The following HPS3 variants were observed in gnomAD, a reference collection of about 807,000 sequenced individuals.
HPS3 encodes BLOC-2 complex member HPS3.
A neutral mutation model predicts 110.9 loss-of-function variants in HPS3; 79 were observed. That is an observed-to-expected ratio of 0.71 (90% CI 0.59 to 0.86). HPS3 has a LOEUF of 0.86. HPS3 is among the 40% of genes least tolerant of loss of function. The probability of loss-of-function intolerance (pLI) is 0.00; values close to 1 mark genes in which losing one functional copy is unlikely to be tolerated. For synonymous variants in HPS3, 428 were observed against 451.0 expected, an observed-to-expected ratio of 0.95 and a Z score of 0.65; for missense variants, 1,197 against 1,206.2, an observed-to-expected ratio of 0.99 and a Z score of 0.11.
At chr3:149,143,248 G>GC (rs1475968658) in intron 4 of HPS3, among the ~76,000 whole-genome samples, 1 of 152,098 alleles carries the variant, frequency 6.6e-6, no homozygotes, top group African/African-American at 2.4e-5. Flanking sequence ...ATCCATAGTG[G>GC]CCTTTCCCTC....
chr3:149,167,529 TGCC>T (rs1724547448), intron 15 of HPS3, among the ~76,000 whole-genome samples: 1 of 152,240 alleles, frequency 6.6e-6, no homozygotes, highest in Admixed American at 6.5e-5. Context: ...ATATTTTCTC[TGCC>T]ATACGGTTTT....
rs149094990 is a variant in HPS3, at chr3:149,140,388, T to C, written c.602T>C (p.Met201Thr). Residue 201 changes from methionine (M) to threonine (T), a missense_variant, in exon 2 of 17, where the codon ATG becomes ACG. Coordinates refer to ENST00000296051, the MANE Select transcript of HPS3 (RefSeq NM_032383.5). ...VSFCVGYVAV[M>T]SDLEVLIVKL... ...TTTTGTGTTGGATATGTTGCTGTCA[T>C]GTCAGACTTAGAAGTCTTAATCGTA... 56 of 1,610,532 alleles carry C rather than the reference T, an allele frequency of 3.5e-5. 1 individual carries two copies. The African/African-American group carries it at 6.8e-4, about 20-fold the overall frequency.
In HPS3 at chr3:149,167,925, T is replaced by C. The variant is rs1307983114; in HGVS notation, c.2829T>C (p.Leu943=). The change falls in exon 16 of 17, where the codon CTT becomes CTC. Residue 943 remains leucine (L), a synonymous_variant. Coordinates refer to ENST00000296051, the MANE Select transcript of HPS3 (RefSeq NM_032383.5). ...GGTGGAAAAAACTGTTGCCTGAACT[T>C]TGTCAGAGAATAAAATGTGGTGGAG... ...TLWWKKLLPE[L]CQRIKCGGEK... 2.5e-6 allele frequency: 4 copies of C among 1,607,886 alleles called. No individual in the cohort carries two copies. The Admixed American group carries it at 6.7e-5, about 27-fold the overall frequency.
chr3:149,156,002 C>T (rs1275903880), intron 8 of HPS3, among the ~76,000 whole-genome samples: 1 of 152,154 alleles, frequency 6.6e-6, no homozygotes, highest in Non-Finnish European at 1.5e-5. Context: ...CCACTGCACT[C>T]CAGCTTGGGT....
chr3:149,131,325 C>T (rs939249), intron 1 of HPS3, among the ~76,000 whole-genome samples: 55,878 of 151,674 alleles, frequency 0.37, 11,169 homozygotes, highest in African/African-American at 0.53. Context: ...GTGTTTTTTT[C>T]TCCCCAATTG....
At chr3:149,134,019 T>C (rs1045502509) in intron 1 of HPS3, among the ~76,000 whole-genome samples, 2 of 152,158 alleles carry the variant, frequency 1.3e-5, no homozygotes, top group African/African-American at 4.8e-5. Context: ...CTATTTACTG[T>C]CATTATTTAT....
chr3:149,129,663 G>T lies in HPS3; in HGVS notation c.-61G>T. The T allele has an allele frequency of 7.5e-7, 1 of 1,327,364 alleles. No homozygotes were observed. Among genetic ancestry groups the T allele is most frequent in the Non-Finnish European group, 1.0e-6 (1 of 996,534 alleles). 82.2% of individuals were successfully genotyped at this position (1,327,364 alleles called of 1,614,324 possible). A position where few individuals can be genotyped will look rare whatever the true frequency, so the allele number is the denominator to read the frequency against. The stretch of plus-strand genomic sequence containing the variant: ...GGAAGTAGTCCTACATTCGCGGTCA[G>T]CGCGGGGTCTCCGGGCGCCCTGCAG... On this transcript the variant is annotated 5_prime_UTR_variant, in exon 1 of 17. Coordinates refer to ENST00000296051, the MANE Select transcript of HPS3 (RefSeq NM_032383.5).
chr3:149,135,331 T>C (rs963856195), intron 1 of HPS3, among the ~76,000 whole-genome samples: 1 of 152,174 alleles, frequency 6.6e-6, no homozygotes. Flanking sequence ...AAATCTCATC[T>C]TGAATTGTAG....
intron 14 of HPS3, among the ~76,000 whole-genome samples, chr3:149,164,560 C>T (rs1212314746): frequency 1.3e-5 from 2 of 152,196 alleles, no homozygotes; most frequent in Non-Finnish European, 2.9e-5. Flanking sequence ...TAATGTAGTT[C>T]AGTGGCCCAA....
rs1053601245 is a variant in HPS3 at position 149,172,472 on chromosome 3, A to G, written c.*250A>G. Reference sequence around the variant, plus strand: ...CTAGAATGTAAAAAGTCTTTAAGACATAAGAATTCCTCAAAGAAGCCATAC... The same window carrying G: ...CTAGAATGTAAAAAGTCTTTAAGACGTAAGAATTCCTCAAAGAAGCCATAC... On this transcript the variant is annotated 3_prime_UTR_variant, in exon 17 of 17. Coordinates refer to ENST00000296051, the MANE Select transcript of HPS3 (RefSeq NM_032383.5). 3 of 361,368 alleles carry G rather than the reference A, an allele frequency of 8.3e-6. No homozygotes were observed. Among genetic ancestry groups the G allele is most frequent in the Non-Finnish European group, 1.6e-5 (3 of 193,292 alleles). 22.4% of individuals were successfully genotyped at this position (361,368 alleles called of 1,614,324 possible).
chr3:149,155,472 A>G (rs962175226), intron 8 of HPS3, among the ~76,000 whole-genome samples: 2 of 152,148 alleles, frequency 1.3e-5, no homozygotes, highest in Non-Finnish European at 2.9e-5. Flanking sequence ...CGATTGGCCA[A>G]TCTGAACATA....
At position 149,145,364 on chromosome 3, in the gene HPS3, A is replaced by G. The variant is rs11718908; in HGVS notation, c.981A>G (p.Thr327=). The G allele has an allele frequency of 0.23, 362,822 of 1,610,020 alleles. 43,355 individuals are homozygous for G. Among genetic ancestry groups the G allele is most frequent in the African/African-American group, 0.43 (32,048 of 74,798 alleles). ...CATTTTTGCATGCAGGTTCTCTTAC[A>G]TCTGATGGAAAAAATTTGTCTCAGG... ...LLPIYQTGSL[T]SDGKNLSQEK... Residue 327 remains threonine (T), a synonymous_variant, in exon 5 of 17, where the codon ACA becomes ACG. Transcript: ENST00000296051.
intron 14 of HPS3, among the ~76,000 whole-genome samples, chr3:149,166,248 G>A (rs150735969): frequency 6.6e-5 from 10 of 152,176 alleles, no homozygotes; most frequent in African/African-American, 2.2e-4. Flanking sequence ...GTGACAAAGT[G>A]GTATTGATAA....
intron 1 of HPS3, among the ~76,000 whole-genome samples, chr3:149,135,182 GTT>G (rs1229858176): frequency 3.3e-5 from 5 of 152,188 alleles, no homozygotes; most frequent in Non-Finnish European, 5.9e-5. Context: ...TTAGCTGAAA[GTT>G]TTTAAAATAA....
At chr3:149,140,541 G>C (rs1370319391) in intron 2 of HPS3, 43 bp downstream of exon 2, 6 of 1,609,442 alleles carry the variant, frequency 3.7e-6, no homozygotes, top group Non-Finnish European at 5.1e-6. Flanking sequence ...TAGGAATATA[G>C]AAAACCTTCA....
chr3:149,171,187 A>G (rs1724952204), intron 16 of HPS3, among the ~76,000 whole-genome samples: 1 of 152,094 alleles, frequency 6.6e-6, no homozygotes, highest in Non-Finnish European at 1.5e-5. Context: ...CTGAGGCAGG[A>G]GAATCTCTTG....
chr3:149,162,709 A>G lies in HPS3; in HGVS notation c.2312A>G (p.Glu771Gly), dbSNP rs138184769. The stretch of plus-strand genomic sequence containing the variant: ...TTTAAGGTGCTTTGTGCTAAGGATG[A>G]AGATACAATTCCTCAGCTCTTGGTA... ...SFFKVLCAKDEDTIPQLLVDF... is the reference protein window; with the variant it reads ...SFFKVLCAKDGDTIPQLLVDF... The change falls in exon 13 of 17, where the codon GAA (glutamate) becomes GGA (glycine). Residue 771 changes from glutamate (E) to glycine (G), a missense_variant. Physicochemically the swap from Glu to Gly is moderately conservative, Grantham distance 98. Coordinates refer to ENST00000296051, the MANE Select transcript of HPS3 (RefSeq NM_032383.5). 4 of 1,613,988 alleles carry G rather than the reference A, an allele frequency of 2.5e-6. No homozygotes were observed. In the African/African-American group the frequency reaches 5.3e-5, roughly 22 times the overall value.
intron 1 of HPS3, among the ~76,000 whole-genome samples, chr3:149,132,542 T>C (rs1224273124): frequency 2.6e-5 from 4 of 152,234 alleles, no homozygotes; most frequent in Non-Finnish European, 4.4e-5. Flanking sequence ...TTACTGCACA[T>C]TGACAATGCA....
chr3:149,152,742 A>G (rs528094537), intron 6 of HPS3, among the ~76,000 whole-genome samples: 4 of 152,320 alleles, frequency 2.6e-5, no homozygotes, highest in Admixed American at 6.5e-5. Context: ...GGAGGTAACA[A>G]TGAAGATGAC....
Sources: allele counts gnomAD v4.1 joint callset (sites outside exome capture counted in the v4.1 genomes callset), GRCh38; gene constraint gnomAD v4.1.1; transcripts MANE v1.5; gene names NCBI Gene and HGNC (gene_info 2026-07-23, HGNC 2026-07-21).